Variants in TEX10 observed in about 807,000 individuals in gnomAD.
The protein encoded by TEX10 is testis expressed 10.
TEX10 carries 24 observed loss-of-function variants against 104.4 expected under a neutral mutation model. That is an observed-to-expected ratio of 0.23 (90% CI 0.17 to 0.32). TEX10 has a LOEUF of 0.32. Ranked by LOEUF, TEX10 falls within the 10% of genes least tolerant of loss-of-function variation. The probability of loss-of-function intolerance (pLI) is 1.00; values close to 1 mark genes in which losing one functional copy is unlikely to be tolerated. For synonymous variants in TEX10, 396 were observed against 393.4 expected (o/e 1.01, Z -0.08); for missense variants, 921 against 1,083.9 (o/e 0.85, Z 2.11).
At chr9:100,347,478 AACACT>A (rs1268237951) in intron 2 of TEX10, 72 bp from the exon 3 acceptor site, 1 of 1,195,518 alleles carries the variant, frequency 8.4e-7, no homozygotes, top group East Asian at 2.5e-5. Context: ...CATGCTAACT[AACACT>A]ACACTAGTAA....
intron 11 of TEX10, among the ~76,000 whole-genome samples, chr9:100,313,236 C>T (rs918920753): frequency 5.3e-5 from 8 of 152,088 alleles, no homozygotes; most frequent in African/African-American, 1.9e-4. Context: ...AAATAGTGGC[C>T]GGGCATGGTG....
intron 5 of TEX10, among the ~76,000 whole-genome samples, chr9:100,339,426 T>C (rs1414439984): frequency 6.7e-6 from 1 of 149,958 alleles, no homozygotes; most frequent in African/African-American, 2.4e-5. Context: ...TTAAAAAATC[T>C]GATCCTCTCT....
intron 3 of TEX10, among the ~76,000 whole-genome samples, 156 bp downstream of exon 3, chr9:100,346,538 A>C (rs1228830895): frequency 6.6e-6 from 1 of 152,242 alleles, no homozygotes; most frequent in African/African-American, 2.4e-5. Flanking sequence ...TTAACATACA[A>C]ATAACTCTTC....
At chr9:100,335,483 G>A (rs1346757527) in intron 5 of TEX10, among the ~76,000 whole-genome samples, 2 of 152,130 alleles carry the variant, frequency 1.3e-5, no homozygotes, top group African/African-American at 4.8e-5. Flanking sequence ...TTACAGGTGT[G>A]AGCCACCACA....
intron 11 of TEX10, among the ~76,000 whole-genome samples, chr9:100,319,340 A>G (rs1324037588): frequency 1.3e-5 from 2 of 152,166 alleles, no homozygotes; most frequent in South Asian, 2.1e-4. Context: ...TATATCTTTA[A>G]TTTATTAAAT....
At chr9:100,347,978 A>AT (rs1413136040) in intron 2 of TEX10, among the ~76,000 whole-genome samples, 3 of 152,264 alleles carry the variant, frequency 2.0e-5, no homozygotes, top group Non-Finnish European at 4.4e-5. Flanking sequence ...AGCATTATTC[A>AT]TAAGAGCCAA....
chr9:100,309,505 C>A (rs1345687870), intron 12 of TEX10, among the ~76,000 whole-genome samples: 1 of 151,972 alleles, frequency 6.6e-6, no homozygotes, highest in Non-Finnish European at 1.5e-5. Context: ...GTCTAATTCT[C>A]TGGAGTGGAG....
chr9:100,351,524 A>G (rs1340895672), intron 1 of TEX10, among the ~76,000 whole-genome samples: 1 of 152,116 alleles, frequency 6.6e-6, no homozygotes, highest in Non-Finnish European at 1.5e-5. Context: ...TTTTCCTACA[A>G]TTTTATTACT....
At chr9:100,308,730 C>A in intron 12 of TEX10, 49 bp from the exon 13 acceptor site, 3 of 1,440,256 alleles carry the variant, frequency 2.1e-6, no homozygotes, top group South Asian at 3.3e-5. Context: ...CAGACCCGCT[C>A]CTCCACATAA....
intron 1 of TEX10, among the ~76,000 whole-genome samples, chr9:100,351,961 T>G (rs568908146): frequency 1.3e-5 from 2 of 152,156 alleles, no homozygotes; most frequent in Non-Finnish European, 2.9e-5. Flanking sequence ...CACTAGTCCT[T>G]AGGTTTGCGA....
At chr9:100,348,298 T>C (rs1426560011) in intron 2 of TEX10, among the ~76,000 whole-genome samples, 1 of 152,254 alleles carries the variant, frequency 6.6e-6, no homozygotes, top group Non-Finnish European at 1.5e-5. Context: ...TGGGTATAAG[T>C]TTTCTTCTTG....
chr9:100,321,127 T>C (rs1834561092), intron 10 of TEX10, among the ~76,000 whole-genome samples: 1 of 152,202 alleles, frequency 6.6e-6, no homozygotes, highest in African/African-American at 2.4e-5. Context: ...TGACAACTAC[T>C]ATTAAAACAC....
chr9:100,347,921 C>T (rs1044962431), intron 2 of TEX10, among the ~76,000 whole-genome samples: 4 of 151,444 alleles, frequency 2.6e-5, no homozygotes, highest in East Asian at 1.9e-4. Flanking sequence ...AAGCAAAACT[C>T]GAAAAATGTA....
At chr9:100,342,028 C>T (rs1206423100) in intron 4 of TEX10, among the ~76,000 whole-genome samples, 1 of 152,250 alleles carries the variant, frequency 6.6e-6, no homozygotes, top group African/African-American at 2.4e-5. Flanking sequence ...TATCACTCTT[C>T]TTCGCCCCCA....
chr9:100,352,883 T>G lies in TEX10; in HGVS notation c.-121A>C. On this transcript the variant is annotated 5_prime_UTR_variant, in exon 1 of 15. Coordinates refer to ENST00000374902, the MANE Select transcript of TEX10 (RefSeq NM_017746.4). Reference sequence around the variant, plus strand: ...ACCTCAGGCTCTAGCTCCCGGAGCGTGTTTTCAAATAGCCTCGTCCTCACG... The same window carrying G: ...ACCTCAGGCTCTAGCTCCCGGAGCGGGTTTTCAAATAGCCTCGTCCTCACG... 3 of 996,552 alleles carry G rather than the reference T, an allele frequency of 3.0e-6. No homozygotes were observed. The highest frequency in any genetic ancestry group is 1.7e-5 in the African/African-American group (1 of 57,578). The allele number at this position is 996,552 out of a possible 1,614,324, so 61.7% of individuals were successfully genotyped here.
At chr9:100,313,808 G>A (rs1415467494) in intron 11 of TEX10, among the ~76,000 whole-genome samples, 2 of 149,642 alleles carry the variant, frequency 1.3e-5, no homozygotes, top group African/African-American at 5.0e-5. Flanking sequence ...CTGTGCCACT[G>A]CACTCCGGCT....
At chr9:100,302,963 T>C (rs964628318) in intron 14 of TEX10, among the ~76,000 whole-genome samples, 3 of 137,968 alleles carry the variant, frequency 2.2e-5, no homozygotes. Flanking sequence ...AAAGGAATCC[T>C]AAACAACAGA....
intron 8 of TEX10, 112 bp from the exon 9 acceptor site, chr9:100,326,591 A>T (rs1834710598): frequency 1.0e-6 from 1 of 999,708 alleles, no homozygotes; most frequent in Non-Finnish European, 1.4e-6. Flanking sequence ...TTTATGCTGA[A>T]TTTTATGAAT....
At position 100,303,924 on chromosome 9, in the gene TEX10, T is replaced by C. The variant is rs112251151; in HGVS notation, c.2466-82A>G. ...CCTTCTATATTCCCCCAAAGTGAAATGTCCTTTTAAGGAACATGTTTTCCA... is the reference window on the plus strand; with the variant it reads ...CCTTCTATATTCCCCCAAAGTGAAACGTCCTTTTAAGGAACATGTTTTCCA... On this transcript the variant is annotated intron_variant, in intron 13 of 14. Coordinates refer to ENST00000374902, the MANE Select transcript of TEX10 (RefSeq NM_017746.4). 9.8e-4 allele frequency: 1,332 copies of C among 1,358,032 alleles called. 12 individuals are homozygous for C. The African/African-American group carries it at 0.017, about 18-fold the overall frequency. The allele number at this position is 1,358,032 out of a possible 1,614,324, so 84.1% of individuals were successfully genotyped here.
Sources: allele counts gnomAD v4.1 joint callset (sites outside exome capture counted in the v4.1 genomes callset), GRCh38; gene constraint gnomAD v4.1.1; transcripts MANE v1.5; gene names NCBI Gene and HGNC (gene_info 2026-07-23, HGNC 2026-07-21).